Variants in STARD13 observed in about 807,000 individuals in gnomAD.
The protein encoded by STARD13 is stAR-related lipid transfer protein 13.
STARD13 carries 62 observed loss-of-function variants against 106.4 expected under a neutral mutation model. The ratio of observed to expected loss-of-function variants is 0.58; its 90% CI spans 0.48 to 0.72. The LOEUF (loss-of-function observed/expected upper bound fraction) is 0.72, where lower values mean the gene tolerates loss of function less well. Among genes scored for constraint, STARD13 ranks in the 30% least tolerant of loss-of-function variants. STARD13 has a pLI of 0.00. For synonymous variants in STARD13, 565 were observed against 553.0 expected, an observed-to-expected ratio of 1.02 and a Z score of -0.31; for missense variants, 1,387 against 1,424.0, an observed-to-expected ratio of 0.97 and a Z score of 0.42.
At chr13:33,180,129 T>C (rs1463895943) in intron 1 of STARD13, among the ~76,000 whole-genome samples, 1 of 152,252 alleles carries the variant, frequency 6.6e-6, no homozygotes, top group African/African-American at 2.4e-5. Context: ...GAAGCCATGC[T>C]TCACACAATG....
intron 1 of STARD13, among the ~76,000 whole-genome samples, chr13:33,179,672 T>C (rs1288192589): frequency 6.6e-6 from 1 of 152,168 alleles, no homozygotes; most frequent in Admixed American, 6.5e-5. Flanking sequence ...TCCTACCCTG[T>C]AGGTCTCTAA....
At chr13:33,463,013 A>G in the STARD13 span, among the ~76,000 whole-genome samples, 6 of 152,330 alleles carry the variant, frequency 3.9e-5, no homozygotes, top group Admixed American at 3.3e-4. Flanking sequence ...CAAAATGCCT[A>G]GTTGAGTGCT....
intron 3 of STARD13, among the ~76,000 whole-genome samples, chr13:33,143,753 A>T (rs1880157463): frequency 6.6e-6 from 1 of 152,048 alleles, no homozygotes; most frequent in East Asian, 1.9e-4. Flanking sequence ...GGGTTTCACC[A>T]TGTTGGCCAG....
At position 33,110,603 on chromosome 13, in the gene STARD13, C is replaced by G. The variant is rs1874390343; in HGVS notation, c.2829+83G>C. Reference sequence around the variant, plus strand: ...TGTGTGCCAAGCCCTGTGGACACAGCAGCTGTTTTCAATGCAAAAACAAAT... The same window carrying G: ...TGTGTGCCAAGCCCTGTGGACACAGGAGCTGTTTTCAATGCAAAAACAAAT... On this transcript the variant is annotated intron_variant, in intron 11 of 13. Coordinates refer to ENST00000336934, the MANE Select transcript of STARD13 (RefSeq NM_178006.4). The G allele has an allele frequency of 1.3e-5, 15 of 1,172,236 alleles. No individual in the cohort carries two copies. In the South Asian group the frequency reaches 1.8e-4, roughly 14 times the overall value. The allele number at this position is 1,172,236 out of a possible 1,614,324, so 72.6% of individuals were successfully genotyped here. A position where few individuals can be genotyped will look rare whatever the true frequency, so the allele number is the denominator to read the frequency against.
At chr13:33,602,415 A>T in the STARD13 span, among the ~76,000 whole-genome samples, 2 of 152,208 alleles carry the variant, frequency 1.3e-5, no homozygotes, top group African/African-American at 4.8e-5. Flanking sequence ...CATTTAAAAA[A>T]TGCCTAGCAG....
the STARD13 span, among the ~76,000 whole-genome samples, chr13:33,673,930 G>A: frequency 6.6e-6 from 1 of 150,838 alleles, no homozygotes; most frequent in Non-Finnish European, 1.5e-5. Context: ...GTGCGATCTC[G>A]GCTCATGGCA....
At chr13:33,159,279 A>G (rs938450386) in intron 3 of STARD13, among the ~76,000 whole-genome samples, 2 of 152,116 alleles carry the variant, frequency 1.3e-5, no homozygotes, top group African/African-American at 4.8e-5. Context: ...CCTGAACTTT[A>G]TATCTCTGAA....
chr13:33,429,531 A>T, the STARD13 span, among the ~76,000 whole-genome samples: 2 of 152,128 alleles, frequency 1.3e-5, no homozygotes, highest in East Asian at 1.9e-4. Context: ...CTCAAAAAAA[A>T]AAAAAGAAAA....
the STARD13 span, among the ~76,000 whole-genome samples, chr13:33,561,508 T>TA: frequency 6.6e-6 from 1 of 151,542 alleles, no homozygotes; most frequent in Non-Finnish European, 1.5e-5. Flanking sequence ...CTTGTCTTTT[T>TA]AAAAAATATC....
intron 1 of STARD13, among the ~76,000 whole-genome samples, chr13:33,320,379 G>T (rs555232483): frequency 6.6e-6 from 1 of 152,266 alleles, no homozygotes; most frequent in Admixed American, 6.5e-5. Context: ...GCATTGCAGG[G>T]TCTCTAGGAG....
At chr13:33,378,883 G>T in the STARD13 span, among the ~76,000 whole-genome samples, 1 of 152,046 alleles carries the variant, frequency 6.6e-6, no homozygotes, top group African/African-American at 2.4e-5. Flanking sequence ...GCTGAGGCAG[G>T]CAGATAGCTT....
chr13:33,578,798 A>G, the STARD13 span, among the ~76,000 whole-genome samples: 1 of 152,078 alleles, frequency 6.6e-6, no homozygotes. Context: ...CAAACAAATC[A>G]GCAAGAAAAA....
At chr13:33,347,975 A>G (rs185509437), downstream of STARD13, among the ~76,000 whole-genome samples, 1 of 152,334 alleles carries the variant, frequency 6.6e-6, no homozygotes, top group African/African-American at 2.4e-5. Flanking sequence ...AGAAAATCCA[A>G]GAAAATCAAT....
intron 1 of STARD13, among the ~76,000 whole-genome samples, chr13:33,284,903 A>T (rs1304451227): frequency 6.6e-6 from 1 of 152,150 alleles, no homozygotes; most frequent in East Asian, 1.9e-4. Flanking sequence ...GAGATGAACG[A>T]ACACCTTAAT....
At chr13:33,500,666 C>A in the STARD13 span, among the ~76,000 whole-genome samples, 1 of 152,180 alleles carries the variant, frequency 6.6e-6, no homozygotes, top group African/African-American at 2.4e-5. Flanking sequence ...CTGCCTCAGA[C>A]TGTGATGACT....
chr13:33,413,980 C>T, the STARD13 span, among the ~76,000 whole-genome samples: 3 of 139,506 alleles, frequency 2.2e-5, no homozygotes, highest in South Asian at 6.7e-4. Flanking sequence ...TTGCAGTGAG[C>T]CAGGATTGAA....
In STARD13 at chr13:33,129,129, T is replaced by G. The variant is rs1385129058; in HGVS notation, c.1548A>C (p.Thr516=). The part of the protein sequence containing the change: ...DVLPELQTHD[T]LVGEPGLSTF... ...TGGATAAGCCAGGTTCCCCAACCAA[T>G]GTATCATGAGTTTGCAGTTCAGGCA... The change falls in exon 5 of 14, where the codon ACA becomes ACC. Residue 516 remains threonine (T), a synonymous_variant. Transcript: ENST00000336934. 6.2e-7 allele frequency: 1 copy of G among 1,614,154 alleles called. No individual in the cohort carries two copies. Among genetic ancestry groups the G allele is most frequent in the Non-Finnish European group, 8.5e-7 (1 of 1,180,022 alleles).
the STARD13 span, among the ~76,000 whole-genome samples, chr13:33,500,300 T>C: frequency 6.6e-6 from 1 of 152,176 alleles, no homozygotes; most frequent in South Asian, 2.1e-4. Context: ...TCAAATGAAA[T>C]TATTGGTTGA....
the STARD13 span, among the ~76,000 whole-genome samples, chr13:33,547,634 G>A: frequency 2.8e-4 from 42 of 152,288 alleles, no homozygotes; most frequent in African/African-American, 9.4e-4. Flanking sequence ...TTAGGGTAGA[G>A]CAGTGCTCTG....
Sources: allele counts gnomAD v4.1 joint callset (sites outside exome capture counted in the v4.1 genomes callset), GRCh38; gene constraint gnomAD v4.1.1; transcripts MANE v1.5; gene names NCBI Gene and HGNC (gene_info 2026-07-23, HGNC 2026-07-21).